The following MACROD2 variants were observed in gnomAD, a reference collection of about 807,000 sequenced individuals.
The protein encoded by MACROD2 is ADP-ribose glycohydrolase MACROD2.
A neutral mutation model predicts 70.4 loss-of-function variants in MACROD2; 36 were observed. The observed-to-expected ratio is 0.51, with a 90% CI of 0.39 to 0.68. MACROD2 has a LOEUF of 0.68. Ranked by LOEUF, MACROD2 falls within the 30% of genes least tolerant of loss-of-function variation. The pLI, the probability that MACROD2 is intolerant of heterozygous loss-of-function variation, is 0.00. For missense variants in MACROD2, 496 were observed against 538.4 expected, an observed-to-expected ratio of 0.92 and a Z score of 0.78; for synonymous variants, 172 against 178.8, an observed-to-expected ratio of 0.96 and a Z score of 0.30.
intron 9 of MACROD2, among the ~76,000 whole-genome samples, chr20:15,869,409 A>G (rs1050387014): frequency 6.6e-6 from 1 of 151,020 alleles, no homozygotes; most frequent in African/African-American, 2.4e-5. Flanking sequence ...TAATTTTAAA[A>G]CTATATTTAA....
intron 9 of MACROD2, among the ~76,000 whole-genome samples, chr20:15,879,583 C>A (rs2064724099): frequency 6.6e-6 from 1 of 152,046 alleles, no homozygotes; most frequent in African/African-American, 2.4e-5. Flanking sequence ...AGTTATCTTT[C>A]AAAAGATGGT....
At chr20:14,379,021 A>T (rs1468817524) in intron 3 of MACROD2, among the ~76,000 whole-genome samples, 2 of 152,210 alleles carry the variant, frequency 1.3e-5, no homozygotes, top group Non-Finnish European at 2.9e-5. Context: ...TTCTCCGAGC[A>T]CTTTCCCCAA....
At chr20:15,093,519 C>A (rs1211640751) in intron 5 of MACROD2, among the ~76,000 whole-genome samples, 1 of 151,866 alleles carries the variant, frequency 6.6e-6, no homozygotes, top group Non-Finnish European at 1.5e-5. Flanking sequence ...AAGCTTGGTC[C>A]GTTGTGAAAA....
intron 7 of MACROD2, among the ~76,000 whole-genome samples, chr20:15,485,444 A>C (rs1032301277): frequency 6.6e-6 from 1 of 152,024 alleles, no homozygotes; most frequent in East Asian, 1.9e-4. Context: ...GCACATTACA[A>C]CTCCAGGCTA....
chr20:14,914,887 G>A (rs2074072154), intron 5 of MACROD2, among the ~76,000 whole-genome samples: 1 of 152,066 alleles, frequency 6.6e-6, no homozygotes, highest in Non-Finnish European at 1.5e-5. Context: ...GAAGATAATG[G>A]TTTCCTTTTC....
chr20:15,944,290 A>T (rs1481864319), intron 12 of MACROD2, among the ~76,000 whole-genome samples: 1 of 152,144 alleles, frequency 6.6e-6, no homozygotes, highest in Non-Finnish European at 1.5e-5. Context: ...TACACAAAAA[A>T]AATAAGCAAA....
At chr20:14,642,314 A>G (rs560604518) in intron 4 of MACROD2, among the ~76,000 whole-genome samples, 2 of 152,142 alleles carry the variant, frequency 1.3e-5, no homozygotes, top group Non-Finnish European at 2.9e-5. Flanking sequence ...TCTTCTATCC[A>G]GACCACTCAC....
intron 5 of MACROD2, among the ~76,000 whole-genome samples, chr20:14,792,661 C>A (rs1301244705): frequency 6.6e-6 from 1 of 152,066 alleles, no homozygotes; most frequent in Non-Finnish European, 1.5e-5. Context: ...GCCCAGTGTG[C>A]TGTGAGGACC....
At chr20:14,376,565 A>C (rs1290016861) in intron 3 of MACROD2, among the ~76,000 whole-genome samples, 3 of 152,062 alleles carry the variant, frequency 2.0e-5, no homozygotes, top group Admixed American at 6.6e-5. Flanking sequence ...TGGGCAATAT[A>C]GTGAGACTCC....
At chr20:14,730,844 T>G (rs918080039) in intron 5 of MACROD2, among the ~76,000 whole-genome samples, 2 of 152,052 alleles carry the variant, frequency 1.3e-5, no homozygotes, top group Admixed American at 1.3e-4. Context: ...GTTTAAAGTG[T>G]TTTTTTAAAG....
chr20:14,560,714 C>T (rs894944448), intron 4 of MACROD2, among the ~76,000 whole-genome samples: 1 of 151,770 alleles, frequency 6.6e-6, no homozygotes, highest in African/African-American at 2.4e-5. Context: ...TCATATTTTA[C>T]CTATCCTGTT....
intron 8 of MACROD2, among the ~76,000 whole-genome samples, chr20:15,519,960 A>G (rs1227261101): frequency 6.6e-6 from 1 of 152,244 alleles, no homozygotes; most frequent in East Asian, 1.9e-4. Context: ...AAAGTCGAGG[A>G]GAAGCCTAGA....
At chr20:14,192,370 T>G (rs2081395974) in intron 3 of MACROD2, among the ~76,000 whole-genome samples, 2 of 152,134 alleles carry the variant, frequency 1.3e-5, no homozygotes, top group Admixed American at 1.3e-4. Context: ...TGGGACCTGA[T>G]GAACAGCAAC....
At chr20:16,004,184 C>T (rs1038198986) in intron 15 of MACROD2, among the ~76,000 whole-genome samples, 2 of 152,146 alleles carry the variant, frequency 1.3e-5, no homozygotes, top group Admixed American at 6.5e-5. Flanking sequence ...GACCTCTTCC[C>T]GACTCCAACC....
intron 5 of MACROD2, among the ~76,000 whole-genome samples, chr20:14,796,371 C>T (rs2072509998): frequency 6.6e-6 from 1 of 151,910 alleles, no homozygotes; most frequent in African/African-American, 2.4e-5. Flanking sequence ...TAGTAACCAC[C>T]GTAGGACAGA....
intron 6 of MACROD2, among the ~76,000 whole-genome samples, chr20:15,358,722 T>C (rs1196017875): frequency 6.6e-6 from 1 of 152,196 alleles, no homozygotes; most frequent in Admixed American, 6.5e-5. Flanking sequence ...AAGATCAAGA[T>C]GTCAGCAGAT....
At chr20:15,085,657 C>A (rs2075741294) in intron 5 of MACROD2, among the ~76,000 whole-genome samples, 1 of 151,942 alleles carries the variant, frequency 6.6e-6, no homozygotes, top group South Asian at 2.1e-4. Flanking sequence ...ATTAAAAGGA[C>A]TAGCATAATA....
At chr20:14,541,090 G>A (rs922773986) in intron 4 of MACROD2, among the ~76,000 whole-genome samples, 1 of 152,118 alleles carries the variant, frequency 6.6e-6, no homozygotes, top group African/African-American at 2.4e-5. Context: ...TTACAGAATT[G>A]ATTCCTCTGA....
chr20:14,526,134 G>C (rs140409748), intron 4 of MACROD2, among the ~76,000 whole-genome samples: 1 of 152,312 alleles, frequency 6.6e-6, no homozygotes, highest in East Asian at 1.9e-4. Context: ...AAGTCACCAT[G>C]ATGACTCTGA....
Sources: allele counts gnomAD v4.1 joint callset (sites outside exome capture counted in the v4.1 genomes callset), GRCh38; gene constraint gnomAD v4.1.1; transcripts MANE v1.5; gene names NCBI Gene and HGNC (gene_info 2026-07-23, HGNC 2026-07-21).